The following UBASH3B variants were observed in gnomAD, a reference collection of about 807,000 sequenced individuals.
The protein encoded by UBASH3B is ubiquitin-associated and SH3 domain-containing protein B.
UBASH3B carries 37 observed loss-of-function variants against 83.4 expected under a neutral mutation model. The observed-to-expected ratio is 0.44, with a 90% confidence interval of 0.34 to 0.58. The LOEUF (loss-of-function observed/expected upper bound fraction) is 0.58. Among genes scored for constraint, UBASH3B ranks in the 20% least tolerant of loss-of-function variants. The pLI is 0.01. For missense variants in UBASH3B, 657 were observed against 827.2 expected (o/e 0.79, Z 2.52); for synonymous variants, 304 against 318.3 (o/e 0.96, Z 0.48).
chr11:122,764,465 A>G (rs1435234976), intron 1 of UBASH3B, among the ~76,000 whole-genome samples: 3 of 152,262 alleles, frequency 2.0e-5, no homozygotes, highest in African/African-American at 4.8e-5. Flanking sequence ...TCCTGCAAGA[A>G]CCTGCTAGAG....
chr11:122,703,423 T>A (rs1591777030), intron 1 of UBASH3B, among the ~76,000 whole-genome samples: 3 of 148,744 alleles, frequency 2.0e-5, no homozygotes, highest in African/African-American at 7.5e-5. Context: ...CAGGCCTCCG[T>A]CTCAAAAAAA....
At chr11:122,719,725 A>G (rs1591784962) in intron 1 of UBASH3B, among the ~76,000 whole-genome samples, 4 of 152,068 alleles carry the variant, frequency 2.6e-5, no homozygotes, top group African/African-American at 9.6e-5. Context: ...TCCACTTCCT[A>G]TCCTCCTCTT....
intron 10 of UBASH3B, among the ~76,000 whole-genome samples, 190 bp downstream of exon 10, chr11:122,799,224 C>T (rs533709284): frequency 1.3e-5 from 2 of 152,304 alleles, no homozygotes; most frequent in East Asian, 3.9e-4. Flanking sequence ...GGCACGGTGG[C>T]TCATGCCTGT....
chr11:122,801,670 G>A (rs1371106307), intron 11 of UBASH3B, among the ~76,000 whole-genome samples: 3 of 152,200 alleles, frequency 2.0e-5, no homozygotes, highest in Non-Finnish European at 4.4e-5. Flanking sequence ...CGATAAGGGA[G>A]ATGATGATGT....
At chr11:122,746,019 T>C (rs997709262) in intron 1 of UBASH3B, among the ~76,000 whole-genome samples, 3 of 152,214 alleles carry the variant, frequency 2.0e-5, no homozygotes, top group Non-Finnish European at 4.4e-5. Context: ...CGGGACCTCG[T>C]CCTTCTTAGA....
intron 2 of UBASH3B, 96 bp downstream of exon 2, chr11:122,776,368 T>G (rs964948345): frequency 2.6e-6 from 3 of 1,152,198 alleles, no homozygotes; most frequent in Admixed American, 2.6e-5. Flanking sequence ...TAATGGACCC[T>G]TCCAGAAGAG....
At chr11:122,722,522 C>A (rs1860657515) in intron 1 of UBASH3B, among the ~76,000 whole-genome samples, 1 of 152,078 alleles carries the variant, frequency 6.6e-6, no homozygotes, top group Non-Finnish European at 1.5e-5. Context: ...GCAGAAGGAA[C>A]CATCTAGATA....
intron 1 of UBASH3B, among the ~76,000 whole-genome samples, chr11:122,707,757 T>A (rs1295992873): frequency 7.3e-6 from 1 of 137,372 alleles, no homozygotes; most frequent in East Asian, 2.3e-4. Flanking sequence ...GGAGTGCAGT[T>A]GCGCAGTCTT....
intron 1 of UBASH3B, among the ~76,000 whole-genome samples, chr11:122,773,233 C>A (rs927414837): frequency 4.6e-5 from 7 of 152,216 alleles, no homozygotes; most frequent in African/African-American, 1.7e-4. Flanking sequence ...TGCTGTATGG[C>A]AACAGTCATT....
At chr11:122,757,282 T>C (rs1489588292) in intron 1 of UBASH3B, among the ~76,000 whole-genome samples, 1 of 152,174 alleles carries the variant, frequency 6.6e-6, no homozygotes, top group Non-Finnish European at 1.5e-5. Flanking sequence ...ATAGTCCCCT[T>C]GTGAAAGAAA....
intron 1 of UBASH3B, among the ~76,000 whole-genome samples, chr11:122,703,231 T>C (rs1299420304): frequency 2.0e-5 from 3 of 151,968 alleles, no homozygotes; most frequent in Non-Finnish European, 4.4e-5. Context: ...ATTGAGAGCA[T>C]CCTGGCTAAC....
chr11:122,746,351 T>A (rs1292341467), intron 1 of UBASH3B, among the ~76,000 whole-genome samples: 1 of 152,134 alleles, frequency 6.6e-6, no homozygotes, highest in African/African-American at 2.4e-5. Flanking sequence ...CCCTAAGATA[T>A]GAGTGGGCGG....
intron 1 of UBASH3B, among the ~76,000 whole-genome samples, chr11:122,706,120 C>CTTTTTTTTTTTTTTTT (rs60384458): frequency 9.3e-6 from 1 of 107,686 alleles, no homozygotes; most frequent in Non-Finnish European, 1.9e-5. Flanking sequence ...TTTTTTTTTT[C>CTTTTTTTTTTTTTTTT]TTTTTTTTTT....
intron 1 of UBASH3B, among the ~76,000 whole-genome samples, chr11:122,658,340 C>A (rs1338327223): frequency 6.6e-6 from 1 of 152,204 alleles, no homozygotes; most frequent in Non-Finnish European, 1.5e-5. Context: ...ACTCCTCAGT[C>A]ATATTTGAGA....
intron 7 of UBASH3B, 107 bp from the exon 8 acceptor site, chr11:122,796,049 A>G (rs1565569501): frequency 6.9e-7 from 1 of 1,449,616 alleles, no homozygotes; most frequent in Non-Finnish European, 9.5e-7. Context: ...ACCAAGTCAT[A>G]CCTTGGCAGA....
chr11:122,793,051 G>A (rs906474359), intron 6 of UBASH3B, among the ~76,000 whole-genome samples: 5 of 152,140 alleles, frequency 3.3e-5, no homozygotes, highest in Admixed American at 2.0e-4. Flanking sequence ...CCAGTTTGCT[G>A]TATTATATTG....
intron 1 of UBASH3B, among the ~76,000 whole-genome samples, chr11:122,665,439 C>T (rs935963314): frequency 6.6e-6 from 1 of 151,876 alleles, no homozygotes; most frequent in African/African-American, 2.4e-5. Flanking sequence ...GTGATCCGTT[C>T]GCCTCAGCCT....
rs572317866 is a variant in UBASH3B, at chr11:122,758,243, C to A, written c.162-17976C>A. On this transcript the variant is annotated intron_variant, in intron 1 of 13. Coordinates refer to ENST00000284273, the MANE Select transcript of UBASH3B (RefSeq NM_032873.5). This position sits in a 1 kb window ranked among gnomAD's most constrained non-coding sequence, Gnocchi z 4.2. ...GCTAGAGAGTTTTGGACCCCTCTCA[C>A]TTCCTGGCGTGTTTGGTCAAGTCCC... Among the ~76,000 whole-genome samples, 8 of 152,200 alleles carry A rather than the reference C, an allele frequency of 5.3e-5. No homozygotes were observed. The highest frequency in any genetic ancestry group is 8.8e-5 in the Non-Finnish European group (6 of 68,042).
intron 1 of UBASH3B, 116 bp from the exon 2 acceptor site, chr11:122,776,103 A>G: frequency 1.1e-6 from 1 of 886,792 alleles, no homozygotes; most frequent in Non-Finnish European, 1.7e-6. Flanking sequence ...ACTCCCCACC[A>G]CAGAGGATTG....
Sources: allele counts gnomAD v4.1 joint callset (sites outside exome capture counted in the v4.1 genomes callset), GRCh38; gene constraint gnomAD v4.1.1; non-coding constraint Gnocchi (gnomAD v3.1); transcripts MANE v1.5; gene names NCBI Gene and HGNC (gene_info 2026-07-23, HGNC 2026-07-21).